GPRIN1: variants seen among roughly 807,000 people sequenced by gnomAD.
GPRIN1 encodes the protein G protein-regulated inducer of neurite outgrowth 1.
Under a neutral mutation model 2.8 loss-of-function variants are expected in GPRIN1, and 4 were observed. That is an observed-to-expected ratio of 1.45 (90% CI 0.71 to 3.32). The LOEUF (loss-of-function observed/expected upper bound fraction) is 3.32, where lower values mean the gene tolerates loss of function less well. Among genes scored for constraint, GPRIN1 ranks in the 30% most tolerant of loss-of-function variants. The pLI is 0.01. For missense variants in GPRIN1, 1,322 were observed against 1,343.4 expected (o/e 0.98, Z 0.25); for synonymous variants, 589 against 589.9 (o/e 1.00, Z 0.02).
At position 176,596,842 on chromosome 5, in the gene GPRIN1, CGCG is replaced by C. The variant is rs749924389; in HGVS notation, c.2990_2992del (p.Pro997del). 6 of 1,406,034 alleles carry C rather than the reference CGCG, an allele frequency of 4.3e-6. No homozygotes were observed. Among genetic ancestry groups the C allele is most frequent in the Non-Finnish European group, 4.6e-6 (5 of 1,076,508 alleles). 87.1% of individuals were successfully genotyped at this position (1,406,034 alleles called of 1,614,324 possible). A position where few individuals can be genotyped will look rare whatever the true frequency, so the allele number is the denominator to read the frequency against. On this transcript the variant is annotated inframe_deletion, in exon 2 of 2. Coordinates refer to ENST00000303991, the MANE Select transcript of GPRIN1 (RefSeq NM_052899.3). The surrounding 1 kb of genome is among the most constrained non-coding windows in gnomAD (Gnocchi z 5.2). ...CGTGGGTCCCGCCCGCGAGCAGCAC[CGCG>C]GCCGGCGCACACTCTGCAGCAGCGC... is the stretch of plus-strand genomic sequence containing the variant.
chr5:176,600,784 T>C (rs576634380), intron 1 of GPRIN1, among the ~76,000 whole-genome samples: 1 of 152,120 alleles, frequency 6.6e-6, no homozygotes, highest in South Asian at 2.1e-4. Context: ...GGTGTGGTGG[T>C]GCACGCCTGT....
At chr5:176,606,145 C>G (rs1271491829) in intron 1 of GPRIN1, among the ~76,000 whole-genome samples, 1 of 152,202 alleles carries the variant, frequency 6.6e-6, no homozygotes, top group Non-Finnish European at 1.5e-5. Flanking sequence ...ACGCCCTTCT[C>G]CTCCTTGGGG....
intron 1 of GPRIN1, among the ~76,000 whole-genome samples, chr5:176,603,808 G>T (rs548242504): frequency 6.6e-6 from 1 of 152,212 alleles, no homozygotes; most frequent in Admixed American, 6.5e-5. Context: ...CGTGAATTGA[G>T]TCCATCTTCA....
At chr5:176,609,480 G>A (rs1205001281) in intron 1 of GPRIN1, among the ~76,000 whole-genome samples, 1 of 152,206 alleles carries the variant, frequency 6.6e-6, no homozygotes, top group Admixed American at 6.5e-5. Flanking sequence ...GCGCCCGTGC[G>A]TGAACGCGGT....
chr5:176,602,636 C>A lies in GPRIN1; in HGVS notation c.-43-2759G>T, dbSNP rs58176802. 2.0e-5 allele frequency among the ~76,000 whole-genome samples: 3 copies of A among 152,142 alleles called. No homozygotes were observed. The highest frequency in any genetic ancestry group is 2.9e-5 in the Non-Finnish European group (2 of 68,042). On this transcript the variant is annotated intron_variant, in intron 1 of 1. Transcript: ENST00000303991. The surrounding 1 kb of genome is among the most constrained non-coding windows in gnomAD (Gnocchi z 4.4). The stretch of plus-strand genomic sequence containing the variant: ...TATCAATTTCTATCAAAGTTTACAA[C>A]GCGCATAGCATTTGAGCCACCAAGC...
rs1759165128 is a variant in GPRIN1 at position 176,602,748 on chromosome 5, A to G, written c.-43-2871T>C. ...AAGGGCATGGCTAGTGATGAGAACA[A>G]GACGGGGAGGCAGGTTCTGTGAACT... On this transcript the variant is annotated intron_variant, in intron 1 of 1. Transcript: ENST00000303991. The surrounding 1 kb of genome is among the most constrained non-coding windows in gnomAD (Gnocchi z 4.4). Among the ~76,000 whole-genome samples the G allele has an allele frequency of 6.6e-6, 1 of 152,166 alleles. No homozygotes were observed. Among genetic ancestry groups the G allele is most frequent in the Non-Finnish European group, 1.5e-5 (1 of 68,032 alleles).
Position 176,598,720 on chromosome 5 carries a change from C to T in GPRIN1, c.1115G>A (p.Arg372Gln), listed in dbSNP as rs769367382. Reference protein sequence around the residue: ...ETVPATKEDSRFLGKMDPASS... With the variant: ...ETVPATKEDSQFLGKMDPASS... ...GGCAGGGTCCATCTTTCCCAGGAAC[C>T]GGGAGTCCTCTTTTGTGGCAGGCAC... Residue 372 changes from arginine to glutamine, a missense_variant, in exon 2 of 2, where the codon CGG becomes CAG. Physicochemically the swap from Arg to Gln is conservative, Grantham distance 43. Coordinates refer to ENST00000303991, the MANE Select transcript of GPRIN1 (RefSeq NM_052899.3). The T allele has an allele frequency of 1.1e-5, 17 of 1,613,912 alleles. No homozygotes were observed. The highest frequency in any genetic ancestry group is 5.0e-5 in the Admixed American group (3 of 60,004).
chr5:176,609,476 G>A (rs1467119450), intron 1 of GPRIN1, among the ~76,000 whole-genome samples: 2 of 152,210 alleles, frequency 1.3e-5, no homozygotes, highest in African/African-American at 2.4e-5. Context: ...TGAGGCGCCC[G>A]TGCGTGAACG....
At chr5:176,609,957 C>CTT in intron 1 of GPRIN1, 42 bp downstream of exon 1, 1 of 151,996 alleles carries the variant, frequency 6.6e-6, no homozygotes, top group African/African-American at 2.4e-5. Context: ...GGGGCTGCCG[C>CTT]CGCCCGCCCG....
chr5:176,607,903 C>CTTTTTTT lies in GPRIN1; in HGVS notation c.-44+2089_-44+2095dup, dbSNP rs35368228. 7.3e-4 allele frequency among the ~76,000 whole-genome samples: 49 copies of CTTTTTTT among 67,374 alleles called. 12 individuals are homozygous for CTTTTTTT. The highest frequency in any genetic ancestry group is 8.9e-4 in the Non-Finnish European group (34 of 38,276). 44.2% of individuals were successfully genotyped at this position (67,374 alleles called of 152,430 possible). ...AGATCGTGGACACTGACACTTGGCTCTTTTTTTTTTTTTTTTTTTTTTTTT... is the reference window on the plus strand; with the variant it reads ...AGATCGTGGACACTGACACTTGGCTCTTTTTTTTTTTTTTTTTTTTTTTTTTTTTTTT... On this transcript the variant is annotated intron_variant, in intron 1 of 1. Transcript: ENST00000303991.
Position 176,596,997 on chromosome 5 carries a change from G to T in GPRIN1, c.2838C>A (p.Ile946=), listed in dbSNP as rs1221734890. 2 of 1,422,606 alleles carry T rather than the reference G, an allele frequency of 1.4e-6. No individual in the cohort carries two copies. Among genetic ancestry groups the T allele is most frequent in the Non-Finnish European group, 9.2e-7 (1 of 1,081,198 alleles). The allele number at this position is 1,422,606 out of a possible 1,614,324, so 88.1% of individuals were successfully genotyped here. Residue 946 remains isoleucine (I), a synonymous_variant, in exon 2 of 2, where the codon ATC becomes ATA. Coordinates refer to ENST00000303991, the MANE Select transcript of GPRIN1 (RefSeq NM_052899.3). The surrounding 1 kb of genome is among the most constrained non-coding windows in gnomAD (Gnocchi z 5.2). ...MAIQKHLERQ[I]EEHGRQGAPA... ...GCGCCCCTTGGCGGCCGTGCTCCTC[G>T]ATCTGTCGCTCCAGATGCTTCTGGA...
intron 1 of GPRIN1, among the ~76,000 whole-genome samples, chr5:176,607,380 GT>G: frequency 6.6e-6 from 1 of 152,284 alleles, no homozygotes; most frequent in Middle Eastern, 3.4e-3. Context: ...GTCTTGTTTT[GT>G]TGCCTAGGCC....
chr5:176,599,303 C>A lies in GPRIN1; in HGVS notation c.532G>T (p.Asp178Tyr), dbSNP rs1298346583. Residue 178 changes from aspartate (D) to tyrosine (Y), a missense_variant, in exon 2 of 2, where the codon GAT becomes TAT. By Grantham distance (160) the Asp-to-Tyr change is radical (BLOSUM62 -3). This residue lies in a region of GPRIN1 where 1,117 missense variants were observed against 1,128.6 expected (regional missense o/e 0.99). Transcript: ENST00000303991. ...KEDPGSSRKADPMFTGKAEPE... is the reference protein window; with the variant it reads ...KEDPGSSRKAYPMFTGKAEPE... The stretch of plus-strand genomic sequence containing the variant: ...TCTGCCTTTCCTGTAAACATGGGAT[C>A]TGCCTTCCGTGAGGACCCAGGATCC... The A allele has an allele frequency of 6.2e-7, 1 of 1,614,182 alleles. No homozygotes were observed. The highest frequency in any genetic ancestry group is 1.1e-5 in the South Asian group (1 of 91,086).
chr5:176,597,578 C>CGGCCTTCGGCTCCACGCGGCCTT lies in GPRIN1; in HGVS notation c.2234_2256dup (p.Glu753LysfsTer82). 6.3e-7 allele frequency: 1 copy of CGGCCTTCGGCTCCACGCGGCCTT among 1,592,554 alleles called. No homozygotes were observed. Among genetic ancestry groups the CGGCCTTCGGCTCCACGCGGCCTT allele is most frequent in the Non-Finnish European group, 8.5e-7 (1 of 1,176,194 alleles). Reference sequence around the variant, plus strand: ...GAGGCCTCGGTGCTGGACACGGGCTCGGCCTTCGGCTCCACGCGGCCTTCA... The same window carrying CGGCCTTCGGCTCCACGCGGCCTT: ...GAGGCCTCGGTGCTGGACACGGGCTCGGCCTTCGGCTCCACGCGGCCTTGGCCTTCGGCTCCACGCGGCCTTCA... On this transcript the variant is annotated frameshift_variant, in exon 2 of 2. Coordinates refer to ENST00000303991, the MANE Select transcript of GPRIN1 (RefSeq NM_052899.3). LOFTEE classifies it low-confidence loss of function (END_TRUNC). The surrounding 1 kb of genome is among the most constrained non-coding windows in gnomAD (Gnocchi z 6.1).
chr5:176,604,732 T>TTTTA (rs1225225316), intron 1 of GPRIN1, among the ~76,000 whole-genome samples: 15 of 151,988 alleles, frequency 9.9e-5, no homozygotes, highest in South Asian at 2.1e-4. Flanking sequence ...GATATCTGTA[T>TTTTA]TTTATTTATT....
rs1305719939 is a variant in GPRIN1, at chr5:176,597,107, C to G, written c.2728G>C (p.Val910Leu). 6.8e-7 allele frequency: 1 copy of G among 1,477,046 alleles called. No homozygotes were observed. Among genetic ancestry groups the G allele is most frequent in the Non-Finnish European group, 9.0e-7 (1 of 1,110,862 alleles). 91.5% of individuals were successfully genotyped at this position (1,477,046 alleles called of 1,614,324 possible). A position where few individuals can be genotyped will look rare whatever the true frequency, so the allele number is the denominator to read the frequency against. The stretch of plus-strand genomic sequence containing the variant: ...TTCTCGTCCCAGCTCACGTCTCGCA[C>G]GGGCTCAGCCGGCTCCGGGGGCGCT... ...AVAPPEPAEPVRDVSWDEKGM... is the reference protein window; with the variant it reads ...AVAPPEPAEPLRDVSWDEKGM... Residue 910 changes from valine (V) to leucine (L), a missense_variant, in exon 2 of 2, where the codon GTG (valine) becomes CTG (leucine). Val to Leu is a conservative substitution (Grantham distance 32). This residue lies in a region of GPRIN1 where 196 missense variants were observed against 189.2 expected (regional missense o/e 1.04). Transcript: ENST00000303991. This position sits in a 1 kb window ranked among gnomAD's most constrained non-coding sequence, Gnocchi z 6.1.
rs1474917335 is a variant in GPRIN1 at position 176,598,972 on chromosome 5, T to A, written c.863A>T (p.Lys288Met). 1 of 1,614,156 alleles carries A rather than the reference T, an allele frequency of 6.2e-7. No homozygotes were observed. Among genetic ancestry groups the A allele is most frequent in the Non-Finnish European group, 8.5e-7 (1 of 1,179,998 alleles). The change falls in exon 2 of 2, where the codon AAG (lysine) becomes ATG (methionine). Residue 288 changes from lysine to methionine, a missense_variant. This residue lies in a region of GPRIN1 where 1,117 missense variants were observed against 1,128.6 expected (regional missense o/e 0.99). Transcript: ENST00000303991. ...CTTTCCCGAGGGCCCAGGATCTCTC[T>A]TTCCCGACAATACAAGATCTACCTT... ...AEKVDLVLSGKRDPGPSGKAD... is the reference protein window; with the variant it reads ...AEKVDLVLSGMRDPGPSGKAD...
intron 1 of GPRIN1, among the ~76,000 whole-genome samples, chr5:176,607,957 A>T (rs1416613571): frequency 5.3e-5 from 6 of 113,110 alleles, no homozygotes; most frequent in Non-Finnish European, 9.9e-5. Flanking sequence ...ACAGGGTCTC[A>T]CTCTGTTACC....
At position 176,597,322 on chromosome 5, in the gene GPRIN1, G is replaced by A. The variant is rs1019690090; in HGVS notation, c.2513C>T (p.Ser838Leu). 3 of 1,236,190 alleles carry A rather than the reference G, an allele frequency of 2.4e-6. No individual in the cohort carries two copies. The highest frequency in any genetic ancestry group is 1.6e-5 in the African/African-American group (1 of 63,790). 76.6% of individuals were successfully genotyped at this position (1,236,190 alleles called of 1,614,324 possible). A position where few individuals can be genotyped will look rare whatever the true frequency, so the allele number is the denominator to read the frequency against. ...CGGCGCCGCCTGGAAGCTGAAGGCC[G>A]AGCCCCCAGCGCCGTCCTGCGGAGA... ...PMSPQDGAGG[S>L]AFSFQAAPRA... Residue 838 changes from serine to leucine, a missense_variant, in exon 2 of 2, where the codon TCG becomes TTG. Physicochemically the swap from Ser to Leu is moderately radical, Grantham distance 145. Transcript: ENST00000303991. This position sits in a 1 kb window ranked among gnomAD's most constrained non-coding sequence, Gnocchi z 6.1.
Sources: allele counts gnomAD v4.1 joint callset (sites outside exome capture counted in the v4.1 genomes callset), GRCh38; gene constraint gnomAD v4.1.1; regional missense constraint gnomAD v4.1.1; non-coding constraint Gnocchi (gnomAD v3.1); transcripts MANE v1.5; gene names NCBI Gene and HGNC (gene_info 2026-07-23, HGNC 2026-07-21).